The following GREB1 variants were observed in gnomAD, a reference collection of about 807,000 sequenced individuals.
GREB1 encodes the protein protein GREB1.
GREB1 carries 106 observed loss-of-function variants against 200.7 expected under a neutral mutation model. The observed-to-expected ratio is 0.53, with a 90% CI of 0.45 to 0.62. The LOEUF (loss-of-function observed/expected upper bound fraction) is 0.62, where lower values mean the gene tolerates loss of function less well. GREB1 is among the 20% of genes least tolerant of loss of function. GREB1 has a pLI of 0.00. For missense variants in GREB1, 2,243 were observed against 2,556.8 expected, an observed-to-expected ratio of 0.88 and a Z score of 2.65; for synonymous variants, 1,132 against 1,092.4, an observed-to-expected ratio of 1.04 and a Z score of -0.72.
intron 1 of GREB1, among the ~76,000 whole-genome samples, chr2:11,524,376 G>A (rs146326934): frequency 1.2e-3 from 178 of 152,242 alleles, no homozygotes; most frequent in African/African-American, 4.1e-3. Context: ...AGAGGGAGGT[G>A]ACATGTCCAT....
chr2:11,588,120 T>C (rs993023366), intron 9 of GREB1: 13 of 410,082 alleles, frequency 3.2e-5, no homozygotes, highest in African/African-American at 2.8e-4. Context: ...TCCCAGCTAC[T>C]CGGGAGGCTG....
intron 17 of GREB1, among the ~76,000 whole-genome samples, chr2:11,603,685 G>A (rs1259245863): frequency 4.6e-5 from 7 of 152,320 alleles, no homozygotes; most frequent in African/African-American, 1.7e-4. Context: ...CACATGGATC[G>A]ACAGCTGAGC....
chr2:11,562,043 G>A (rs954515280), intron 2 of GREB1, among the ~76,000 whole-genome samples: 2 of 152,166 alleles, frequency 1.3e-5, no homozygotes, highest in East Asian at 1.9e-4. Context: ...TCTTTGGAAC[G>A]CTACCATGTC....
Position 11,610,766 on chromosome 2 carries a change from C to G in GREB1, c.2745C>G (p.Ser915Arg). ...QHYAAALMAV[S>R]GLPQMKNYTS... ...ACGCGGCCGCCCTGATGGCCGTAAG[C>G]GGCCTCCCGCAGATGAAGAACTACA... Residue 915 changes from serine (S) to arginine (R), a missense_variant, in exon 18 of 33, where the codon AGC (serine) becomes AGG (arginine). Coordinates refer to ENST00000381486, the MANE Select transcript of GREB1 (RefSeq NM_014668.4). 6.2e-7 allele frequency: 1 copy of G among 1,613,492 alleles called. No homozygotes were observed. Among genetic ancestry groups the G allele is most frequent in the Non-Finnish European group, 8.5e-7 (1 of 1,179,954 alleles).
In GREB1 at chr2:11,610,918, G is replaced by A. The variant is rs780968054; in HGVS notation, c.2897G>A (p.Arg966Gln). The A allele has an allele frequency of 2.1e-5, 34 of 1,612,354 alleles. No homozygotes were observed. The highest frequency in any genetic ancestry group is 6.7e-5 in the African/African-American group (5 of 74,928). ...CCCCTGGCGGTGGTGGCCTATGAGC[G>A]GCTGGCCCACGTGCGGGCCCGGCTG... Reference protein sequence around the residue: ...CSPLAVVAYERLAHVRARLAL... With the variant: ...CSPLAVVAYEQLAHVRARLAL... Residue 966 changes from arginine (R) to glutamine (Q), a missense_variant, in exon 18 of 33, where the codon CGG becomes CAG. By Grantham distance (43) the Arg-to-Gln change is conservative. Around this residue, in one of 3 missense-constraint regions of GREB1, gnomAD observed 1,178 missense variants for 1,387.4 expected, o/e 0.85. Coordinates refer to ENST00000381486, the MANE Select transcript of GREB1 (RefSeq NM_014668.4).
chr2:11,557,370 T>A (rs1572691841), intron 2 of GREB1, among the ~76,000 whole-genome samples: 2 of 152,264 alleles, frequency 1.3e-5, no homozygotes, highest in South Asian at 4.1e-4. Context: ...TAGTATGAGA[T>A]AGCTCTGTTA....
intron 1 of GREB1, among the ~76,000 whole-genome samples, chr2:11,546,603 C>T (rs986702062): frequency 6.6e-6 from 1 of 152,182 alleles, no homozygotes; most frequent in African/African-American, 2.4e-5. Flanking sequence ...TTGTAACATA[C>T]AAGCTCTGTA....
At chr2:11,569,451 G>A (rs1255123709) in intron 4 of GREB1, among the ~76,000 whole-genome samples, 7 of 152,208 alleles carry the variant, frequency 4.6e-5, no homozygotes, top group Non-Finnish European at 8.8e-5. Flanking sequence ...AAGGTGCTCC[G>A]GCAATCGGAG....
At chr2:11,553,572 T>TG (rs1676144430) in intron 1 of GREB1, among the ~76,000 whole-genome samples, 1 of 143,324 alleles carries the variant, frequency 7.0e-6, no homozygotes, top group African/African-American at 2.5e-5. Context: ...CCCCATTCTA[T>TG]TTTTTTTTTT....
upstream of GREB1, among the ~76,000 whole-genome samples, chr2:11,529,691 A>G (rs189874752): frequency 2.6e-4 from 39 of 152,334 alleles, no homozygotes; most frequent in South Asian, 6.2e-4. Flanking sequence ...CCTCAAATAG[A>G]CATAACATGT....
chr2:11,602,290 G>C, intron 16 of GREB1, 116 bp from the exon 17 acceptor site: 1 of 838,876 alleles, frequency 1.2e-6, no homozygotes, highest in Non-Finnish European at 2.0e-6. Context: ...CCACTGCACA[G>C]TGGGCACGAT....
rs542684419 is a variant in GREB1 at position 11,633,016 on chromosome 2, C to T, written c.4944C>T (p.Cys1648=). ...WPFIVISDDS[C]VMWNVVDVNS... The stretch of plus-strand genomic sequence containing the variant: ...TCATTGTGATCTCTGATGACTCCTG[C>T]GTGATGTGGAACGTGGTGGATGTCA... The change falls in exon 28 of 33, where the codon TGC becomes TGT. Residue 1648 remains cysteine (C), a synonymous_variant. Coordinates refer to ENST00000381486, the MANE Select transcript of GREB1 (RefSeq NM_014668.4). The surrounding 1 kb of genome is among the most constrained non-coding windows in gnomAD (Gnocchi z 4.1). 9.3e-6 allele frequency: 15 copies of T among 1,614,152 alleles called. No individual in the cohort carries two copies. In the African/African-American group the frequency reaches 1.2e-4, roughly 13 times the overall value.
chr2:11,606,764 T>C (rs62118316), intron 17 of GREB1, among the ~76,000 whole-genome samples: 1 of 29,720 alleles, frequency 3.4e-5, no homozygotes, highest in African/African-American at 4.7e-5. Context: ...GTTTCATTAT[T>C]ATTATTATTA....
chr2:11,595,817 G>C (rs1321021099), intron 12 of GREB1, among the ~76,000 whole-genome samples: 1 of 151,976 alleles, frequency 6.6e-6, no homozygotes, highest in Non-Finnish European at 1.5e-5. Flanking sequence ...TGTCCCCCTA[G>C]AAAGCTTCTC....
At chr2:11,483,465 CTG>C (rs1396617287) in intron 1 of GREB1, among the ~76,000 whole-genome samples, 1 of 150,532 alleles carries the variant, frequency 6.6e-6, no homozygotes, top group Non-Finnish European at 1.5e-5. Flanking sequence ...GTATCTGCCT[CTG>C]TGTTTAGGGA....
chr2:11,596,540 T>TC (rs1681243866), intron 13 of GREB1, among the ~76,000 whole-genome samples: 1 of 3,848 alleles, frequency 2.6e-4, no homozygotes, highest in African/African-American at 1.2e-3. Flanking sequence ...AGTGAGGGGG[T>TC]GGGGGCACAG....
At chr2:11,553,009 CAAAAA>C in intron 1 of GREB1, among the ~76,000 whole-genome samples, 1 of 80,922 alleles carries the variant, frequency 1.2e-5, no homozygotes, top group South Asian at 4.0e-4. Flanking sequence ...AACTCCGTCT[CAAAAA>C]AAAAAAAAAA....
rs143893995 is a variant in GREB1 at position 11,627,191 on chromosome 2, G to T, written c.4449+87G>T. On this transcript the variant is annotated intron_variant, in intron 25 of 32. Transcript: ENST00000381486. ...TCTCTCACGCTTTCATTCCAGAGTG[G>T]GAGATAGAGAGTTCTGGAAGCCCTG... is the stretch of plus-strand genomic sequence containing the variant. 3,155 of 1,260,482 alleles carry T rather than the reference G, an allele frequency of 2.5e-3. 4 individuals carry two copies. The highest frequency in any genetic ancestry group is 3.0e-3 in the Non-Finnish European group (2,746 of 928,664). The allele number at this position is 1,260,482 out of a possible 1,614,324, so 78.1% of individuals were successfully genotyped here.
rs1363398458 is a variant in GREB1 at position 11,492,394 on chromosome 2, G to A, written c.-159+10013G>A. ...TGGTCAGCCATTGAAGACTGAGTCA[G>A]CTGTACTCCTGGCCATGTGTACAGA... On this transcript the variant is annotated intron_variant, in intron 1 of 2. Coordinates refer to the GREB1 transcript ENST00000628795. This position sits in a 1 kb window ranked among gnomAD's most constrained non-coding sequence, Gnocchi z 4.0. Among the ~76,000 whole-genome samples, 1 of 152,240 alleles carries A rather than the reference G, an allele frequency of 6.6e-6. No homozygotes were observed. The highest frequency in any genetic ancestry group is 2.4e-5 in the African/African-American group (1 of 41,460).
Sources: allele counts gnomAD v4.1 joint callset (sites outside exome capture counted in the v4.1 genomes callset), GRCh38; gene constraint gnomAD v4.1.1; regional missense constraint gnomAD v4.1.1; non-coding constraint Gnocchi (gnomAD v3.1); transcripts MANE v1.5; gene names NCBI Gene and HGNC (gene_info 2026-07-23, HGNC 2026-07-21).